DOCK3: variants seen among roughly 807,000 people sequenced by gnomAD.
DOCK3 encodes dedicator of cytokinesis 3.
DOCK3 carries 60 observed loss-of-function variants against 265.6 expected under a neutral mutation model. The ratio of observed to expected loss-of-function variants is 0.23; its 90% CI spans 0.18 to 0.28. The LOEUF is 0.28. Among genes scored for constraint, DOCK3 ranks in the 10% least tolerant of loss-of-function variants. DOCK3 has a pLI of 1.00. For missense variants in DOCK3, 1,981 were observed against 2,594.3 expected, an observed-to-expected ratio of 0.76 and a Z score of 5.14; for synonymous variants, 881 against 938.0, an observed-to-expected ratio of 0.94 and a Z score of 1.11.
rs1040604434 is a variant in DOCK3 at position 50,812,536 on chromosome 3, A to G, written c.122-29139A>G. On this transcript the variant is annotated intron_variant, in intron 2 of 52. Transcript: ENST00000266037. ...TCCCAAGATGTGCAGTCAGCAAGCTATAGACCCAGGAGAGCTTGCGGTATA... is the reference window on the plus strand; with the variant it reads ...TCCCAAGATGTGCAGTCAGCAAGCTGTAGACCCAGGAGAGCTTGCGGTATA... Among the ~76,000 whole-genome samples the G allele has an allele frequency of 3.0e-4, 46 of 152,360 alleles. 1 individual carries two copies. The highest frequency in any genetic ancestry group is 2.9e-3 in the Admixed American group (45 of 15,296).
intron 5 of DOCK3, among the ~76,000 whole-genome samples, chr3:51,038,061 G>C (rs774951035): frequency 6.6e-6 from 1 of 152,090 alleles, no homozygotes; most frequent in Non-Finnish European, 1.5e-5. Context: ...CAAATTGCTG[G>C]CTAAGCTGTA....
chr3:51,009,755 A>C (rs1490829255), intron 5 of DOCK3, among the ~76,000 whole-genome samples: 1 of 152,138 alleles, frequency 6.6e-6, no homozygotes, highest in Non-Finnish European at 1.5e-5. Flanking sequence ...GTGGGCATTT[A>C]GTGCTATAAA....
chr3:51,297,230 A>G (rs927605023), intron 27 of DOCK3, among the ~76,000 whole-genome samples: 2 of 152,176 alleles, frequency 1.3e-5, no homozygotes, highest in African/African-American at 2.4e-5. Context: ...TGTAAAAGCT[A>G]AAACTATGAA....
chr3:51,381,751 AG>A lies in DOCK3; in HGVS notation c.*195del, dbSNP rs1553618952. 1 of 630,728 alleles carries A rather than the reference AG, an allele frequency of 1.6e-6. No homozygotes were observed. The highest frequency in any genetic ancestry group is 3.1e-5 in the East Asian group (1 of 32,186). The allele number at this position is 630,728 out of a possible 1,614,324, so 39.1% of individuals were successfully genotyped here. Reference sequence around the variant, plus strand: ...ATGTACAGAGGCCACAGCAGCATGAAGGGTTGTGGCTTCCCTTTTTATTTTT... The same window carrying A: ...ATGTACAGAGGCCACAGCAGCATGAAGGTTGTGGCTTCCCTTTTTATTTTT... On this transcript the variant is annotated 3_prime_UTR_variant, in exon 53 of 53. Coordinates refer to ENST00000266037, the MANE Select transcript of DOCK3 (RefSeq NM_004947.5). The surrounding 1 kb of genome is among the most constrained non-coding windows in gnomAD (Gnocchi z 5.6).
At chr3:51,315,802 C>A (rs185916928) in intron 32 of DOCK3, among the ~76,000 whole-genome samples, 42 of 152,188 alleles carry the variant, frequency 2.8e-4, no homozygotes, top group Non-Finnish European at 3.5e-4. Flanking sequence ...TAGAGATTTT[C>A]TCTCTTGGCA....
chr3:51,096,404 T>G (rs2082857858), intron 9 of DOCK3, among the ~76,000 whole-genome samples: 1 of 152,184 alleles, frequency 6.6e-6, no homozygotes, highest in African/African-American at 2.4e-5. Context: ...CTTCAGTCTC[T>G]GATATCCTTT....
At chr3:50,721,208 C>T (rs1338660934) in intron 1 of DOCK3, among the ~76,000 whole-genome samples, 1 of 151,970 alleles carries the variant, frequency 6.6e-6, no homozygotes. Flanking sequence ...TTAATTAGGT[C>T]CCATTTGTCA....
intron 49 of DOCK3, among the ~76,000 whole-genome samples, chr3:51,368,563 G>A (rs370400097): frequency 6.6e-5 from 10 of 152,320 alleles, no homozygotes; most frequent in African/African-American, 2.4e-4. Context: ...TGGGAAGCTC[G>A]AACTGGGTGG....
intron 2 of DOCK3, among the ~76,000 whole-genome samples, chr3:50,807,045 C>T (rs939027367): frequency 5.3e-5 from 8 of 152,070 alleles, no homozygotes; most frequent in African/African-American, 1.9e-4. Flanking sequence ...TTTGGCGAGA[C>T]GGTGCTGCAG....
At chr3:51,243,429 T>G (rs181513376) in intron 21 of DOCK3, among the ~76,000 whole-genome samples, 48 of 144,192 alleles carry the variant, frequency 3.3e-4, no homozygotes, top group African/African-American at 1.1e-3. Context: ...ATTTTCTGGG[T>G]TTTTTTTTTT....
chr3:51,097,142 G>A (rs912217325), intron 9 of DOCK3, among the ~76,000 whole-genome samples: 4 of 152,222 alleles, frequency 2.6e-5, no homozygotes, highest in East Asian at 1.9e-4. Flanking sequence ...GCTGTGTTGG[G>A]AGATCCGTTG....
chr3:51,372,928 T>C (rs1038171747), intron 49 of DOCK3, among the ~76,000 whole-genome samples: 2 of 152,176 alleles, frequency 1.3e-5, no homozygotes, highest in African/African-American at 4.8e-5. Flanking sequence ...AATCACAAAA[T>C]AGCAATTCAG....
At chr3:50,929,224 G>T (rs1177338570) in intron 4 of DOCK3, among the ~76,000 whole-genome samples, 2 of 152,136 alleles carry the variant, frequency 1.3e-5, no homozygotes, top group Non-Finnish European at 2.9e-5. Flanking sequence ...TTCTGCCTCT[G>T]AGCATATCTG....
chr3:50,983,527 G>A (rs922126157), intron 5 of DOCK3, among the ~76,000 whole-genome samples: 2 of 152,160 alleles, frequency 1.3e-5, no homozygotes, highest in Non-Finnish European at 2.9e-5. Flanking sequence ...TCTGCTGAAA[G>A]TTGAGCACTA....
Position 51,312,685 on chromosome 3 carries a change from A to G in DOCK3, c.3194+109A>G, listed in dbSNP as rs926181411. On this transcript the variant is annotated intron_variant, in intron 30 of 52. Coordinates refer to ENST00000266037, the MANE Select transcript of DOCK3 (RefSeq NM_004947.5). ...AAGGTTCTCAGCTGGGTGGTTTCCC[A>G]GGGGCCCAAGTGTGGGAGTTCAGTC... is the stretch of plus-strand genomic sequence containing the variant. The G allele has an allele frequency of 5.5e-6, 7 of 1,269,498 alleles. No individual in the cohort carries two copies. In the African/African-American group the frequency reaches 6.0e-5, roughly 11 times the overall value. 78.6% of individuals were successfully genotyped at this position (1,269,498 alleles called of 1,614,324 possible). A position where few individuals can be genotyped will look rare whatever the true frequency, so the allele number is the denominator to read the frequency against.
At chr3:50,758,518 A>G (rs1403782060) in intron 1 of DOCK3, among the ~76,000 whole-genome samples, 1 of 152,136 alleles carries the variant, frequency 6.6e-6, no homozygotes, top group Non-Finnish European at 1.5e-5. Flanking sequence ...GTCTATGGCC[A>G]TACCACCCTG....
At chr3:50,696,614 G>A (rs1220661355) in intron 1 of DOCK3, among the ~76,000 whole-genome samples, 1 of 152,160 alleles carries the variant, frequency 6.6e-6, no homozygotes, top group Admixed American at 6.5e-5. Context: ...ATTTGTGCAA[G>A]GTGTTTTGGG....
At position 51,237,558 on chromosome 3, in the gene DOCK3, C is replaced by T. The variant is rs747267313; in HGVS notation, c.2070C>T (p.Ile690=). ...TTCGACCTGTGATGGACACGTATAT[C>T]CAGAAGCACTTTGCTGGAGCTCTGG... The part of the protein sequence containing the change: ...FHFRPVMDTY[I]QKHFAGALAY... Residue 690 remains isoleucine, a synonymous_variant, in exon 21 of 53, where the codon ATC becomes ATT. Coordinates refer to ENST00000266037, the MANE Select transcript of DOCK3 (RefSeq NM_004947.5). The T allele has an allele frequency of 1.2e-6, 2 of 1,613,556 alleles. No individual in the cohort carries two copies. The highest frequency in any genetic ancestry group is 1.1e-5 in the South Asian group (1 of 90,940).
intron 3 of DOCK3, among the ~76,000 whole-genome samples, chr3:50,881,460 T>A (rs1160666947): frequency 1.3e-5 from 2 of 152,178 alleles, no homozygotes; most frequent in African/African-American, 4.8e-5. Context: ...TCACAAGCAT[T>A]CCTGTACACC....
Sources: allele counts gnomAD v4.1 joint callset (sites outside exome capture counted in the v4.1 genomes callset), GRCh38; gene constraint gnomAD v4.1.1; non-coding constraint Gnocchi (gnomAD v3.1); transcripts MANE v1.5; gene names NCBI Gene and HGNC (gene_info 2026-07-23, HGNC 2026-07-21).